The following MYRIP variants were observed in gnomAD, a reference collection of about 807,000 sequenced individuals.
MYRIP encodes the protein myosin VIIA and Rab interacting protein.
MYRIP carries 49 observed loss-of-function variants against 98.0 expected under a neutral mutation model. The ratio of observed to expected loss-of-function variants is 0.50; its 90% confidence interval spans 0.40 to 0.63. The LOEUF is 0.63. Among genes scored for constraint, MYRIP ranks in the 30% least tolerant of loss-of-function variants. The pLI is 0.00. For synonymous variants in MYRIP, 404 were observed against 409.5 expected, an observed-to-expected ratio of 0.99 and a Z score of 0.16; for missense variants, 1,004 against 1,058.2, an observed-to-expected ratio of 0.95 and a Z score of 0.71.
At chr3:39,986,676 G>A (rs1946039888) in intron 2 of MYRIP, among the ~76,000 whole-genome samples, 1 of 152,154 alleles carries the variant, frequency 6.6e-6, no homozygotes. Context: ...ATGGCTCGGA[G>A]CTGCTCTTAT....
intron 3 of MYRIP, among the ~76,000 whole-genome samples, chr3:40,113,720 C>T (rs1419529759): frequency 6.6e-6 from 1 of 152,056 alleles, no homozygotes; most frequent in Non-Finnish European, 1.5e-5. Flanking sequence ...GACAGAGTCT[C>T]GCTCTTTCGC....
chr3:39,888,812 G>A (rs556721935), intron 1 of MYRIP, among the ~76,000 whole-genome samples: 2 of 152,222 alleles, frequency 1.3e-5, no homozygotes, highest in African/African-American at 4.8e-5. Flanking sequence ...AATCTACAAT[G>A]AACTCAAACA....
chr3:40,035,457 T>C (rs2125823458), intron 2 of MYRIP, among the ~76,000 whole-genome samples: 1 of 152,084 alleles, frequency 6.6e-6, no homozygotes, highest in East Asian at 1.9e-4. Flanking sequence ...GACTGGAGAT[T>C]ATCTTAATCA....
chr3:39,874,430 G>A (rs1942911034), intron 1 of MYRIP, among the ~76,000 whole-genome samples: 1 of 151,974 alleles, frequency 6.6e-6, no homozygotes, highest in Non-Finnish European at 1.5e-5. Context: ...GTTTTCAAAG[G>A]GAATGCTTCC....
At chr3:40,210,287 C>T (rs1457235245) in intron 11 of MYRIP, among the ~76,000 whole-genome samples, 194 bp downstream of exon 11, 1 of 152,192 alleles carries the variant, frequency 6.6e-6, no homozygotes, top group Non-Finnish European at 1.5e-5. Context: ...AAAACAGCAT[C>T]ATGGAAGTTT....
intron 2 of MYRIP, among the ~76,000 whole-genome samples, chr3:39,901,926 T>C (rs770949746): frequency 7.2e-5 from 11 of 152,148 alleles, no homozygotes; most frequent in Admixed American, 1.3e-4. Context: ...TCTGAGGTAC[T>C]CCGAGATAGA....
At chr3:39,915,935 C>T (rs2125685303) in intron 2 of MYRIP, among the ~76,000 whole-genome samples, 1 of 151,982 alleles carries the variant, frequency 6.6e-6, no homozygotes, top group East Asian at 1.9e-4. Flanking sequence ...TTTAATGCTA[C>T]TATTATCAAC....
chr3:40,195,187 T>C (rs1951352974), intron 10 of MYRIP, among the ~76,000 whole-genome samples: 1 of 152,264 alleles, frequency 6.6e-6, no homozygotes, highest in East Asian at 1.9e-4. Flanking sequence ...TATTAGATAC[T>C]ATCAAAATGA....
At chr3:40,254,422 A>G (rs1953502850) in intron 16 of MYRIP, among the ~76,000 whole-genome samples, 1 of 147,514 alleles carries the variant, frequency 6.8e-6, no homozygotes, top group Non-Finnish European at 1.5e-5. Context: ...CTGCATTTTT[A>G]CAGCAGATAA....
chr3:39,910,292 G>A (rs7624497), intron 2 of MYRIP, among the ~76,000 whole-genome samples: 66,750 of 151,632 alleles, frequency 0.44, 14,883 homozygotes, highest in East Asian at 0.53. Flanking sequence ...AAACTCAGGC[G>A]GAGCAGCCCT....
At chr3:40,201,669 T>C (rs996801260) in intron 10 of MYRIP, among the ~76,000 whole-genome samples, 3 of 152,088 alleles carry the variant, frequency 2.0e-5, no homozygotes, top group African/African-American at 7.2e-5. Flanking sequence ...TTTGAGGCAA[T>C]AGGAAATGTA....
chr3:40,241,292 C>T (rs537981054), intron 12 of MYRIP, among the ~76,000 whole-genome samples: 1 of 152,312 alleles, frequency 6.6e-6, no homozygotes, highest in African/African-American at 2.4e-5. Context: ...GAGCCCAGCT[C>T]TGCCACTGAA....
chr3:39,914,273 C>T (rs1313934414), intron 2 of MYRIP, among the ~76,000 whole-genome samples: 2 of 152,022 alleles, frequency 1.3e-5, no homozygotes, highest in Non-Finnish European at 2.9e-5. Context: ...TGTTAACTGA[C>T]CAAAAAACTC....
At chr3:39,834,362 T>C (rs1168310806) in intron 1 of MYRIP, among the ~76,000 whole-genome samples, 1 of 152,208 alleles carries the variant, frequency 6.6e-6, no homozygotes, top group Non-Finnish European at 1.5e-5. Context: ...TATAACAGAG[T>C]AGTTAGATAT....
chr3:39,925,747 T>C (rs1435365429), intron 2 of MYRIP, among the ~76,000 whole-genome samples: 1 of 152,180 alleles, frequency 6.6e-6, no homozygotes, highest in African/African-American at 2.4e-5. Flanking sequence ...GGTGCCTAAG[T>C]TGATTCCATG....
chr3:40,223,151 T>C (rs1211489896), intron 11 of MYRIP, among the ~76,000 whole-genome samples: 1 of 152,246 alleles, frequency 6.6e-6, no homozygotes. Flanking sequence ...TAAAGATGAA[T>C]TCTTCCAAAA....
At chr3:40,103,822 GA>G (rs1949000494) in intron 3 of MYRIP, among the ~76,000 whole-genome samples, 1 of 151,718 alleles carries the variant, frequency 6.6e-6, no homozygotes, top group Admixed American at 6.6e-5. Context: ...AAAACACCAA[GA>G]AGAAAATTTT....
At chr3:40,078,638 A>G (rs1445265013) in intron 3 of MYRIP, among the ~76,000 whole-genome samples, 2 of 152,172 alleles carry the variant, frequency 1.3e-5, no homozygotes, top group African/African-American at 4.8e-5. Context: ...CAAAGTTTAT[A>G]TATGGACGAG....
chr3:40,204,934 G>A (rs1951752567), intron 10 of MYRIP, among the ~76,000 whole-genome samples: 1 of 152,066 alleles, frequency 6.6e-6, no homozygotes, highest in African/African-American at 2.4e-5. Context: ...CCCTTCCACG[G>A]GCACCAGAGT....
Sources: gnomAD v4.1 joint callset for allele counts (sites outside exome capture counted in the v4.1 genomes callset) on GRCh38, gnomAD v4.1.1 for gene constraint, MANE v1.5 for transcripts, NCBI Gene and HGNC (gene_info 2026-07-23, HGNC 2026-07-21) for gene names.